Variants in UNC13C observed in about 807,000 individuals in gnomAD.
UNC13C encodes the protein protein unc-13 homolog C.
A neutral mutation model predicts 245.4 loss-of-function variants in UNC13C; 174 were observed. That is an observed-to-expected ratio of 0.71 (90% confidence interval 0.63 to 0.80). The LOEUF (loss-of-function observed/expected upper bound fraction) is 0.80. UNC13C is among the 30% of genes least tolerant of loss of function. The probability of loss-of-function intolerance (pLI) is 0.00; values close to 1 mark genes in which losing one functional copy is unlikely to be tolerated. For synonymous variants in UNC13C, 992 were observed against 895.1 expected, an observed-to-expected ratio of 1.11 and a Z score of -1.93; for missense variants, 2,829 against 2,602.9, an observed-to-expected ratio of 1.09 and a Z score of -1.89.
chr15:54,474,574 T>C (rs915994274), intron 19 of UNC13C, among the ~76,000 whole-genome samples: 1 of 152,066 alleles, frequency 6.6e-6, no homozygotes, highest in Admixed American at 6.6e-5. Flanking sequence ...AGTTCTTGTA[T>C]GTTCTGGATA....
At chr15:54,408,564 A>G (rs1275234589) in intron 18 of UNC13C, among the ~76,000 whole-genome samples, 1 of 152,188 alleles carries the variant, frequency 6.6e-6, no homozygotes, top group African/African-American at 2.4e-5. Context: ...TTGAATTTCA[A>G]AAATGATATG....
At chr15:54,252,875 C>G (rs2036188230) in intron 8 of UNC13C, among the ~76,000 whole-genome samples, 1 of 152,126 alleles carries the variant, frequency 6.6e-6, no homozygotes, top group African/African-American at 2.4e-5. Context: ...CAGTTTAACT[C>G]ATGACTTTAG....
intron 7 of UNC13C, among the ~76,000 whole-genome samples, chr15:54,248,309 G>C (rs762635256): frequency 3.9e-5 from 6 of 152,034 alleles, no homozygotes; most frequent in Non-Finnish European, 7.4e-5. Context: ...GACCACAAAT[G>C]CTACATTACG....
chr15:54,373,404 A>G (rs1223432661), intron 17 of UNC13C, among the ~76,000 whole-genome samples: 1 of 152,140 alleles, frequency 6.6e-6, no homozygotes, highest in Non-Finnish European at 1.5e-5. Context: ...CATTCCTTCA[A>G]GGGTGAACCA....
At chr15:54,230,888 A>G (rs940991394) in intron 4 of UNC13C, among the ~76,000 whole-genome samples, 28 of 152,072 alleles carry the variant, frequency 1.8e-4, no homozygotes, top group Admixed American at 6.5e-5. Context: ...TAATTAAAAT[A>G]TTAATAAAAA....
rs911872380 is a variant in UNC13C at position 54,476,580 on chromosome 15, T to G, written c.4934-18028T>G. Among the ~76,000 whole-genome samples the G allele has an allele frequency of 7.9e-5, 12 of 151,854 alleles. No homozygotes were observed. In the East Asian group the frequency reaches 9.8e-4, roughly 12 times the overall value. On this transcript the variant is annotated intron_variant, in intron 19 of 32. Coordinates refer to ENST00000260323, the MANE Select transcript of UNC13C (RefSeq NM_001080534.3). ...TTAAATAGGGAATGCTTTCCCCATTTCTTGTTTTTCTCAGGTTTGTCAAAG... is the reference window on the plus strand; with the variant it reads ...TTAAATAGGGAATGCTTTCCCCATTGCTTGTTTTTCTCAGGTTTGTCAAAG...
At chr15:54,462,962 TG>T (rs1465009137) in intron 19 of UNC13C, among the ~76,000 whole-genome samples, 1 of 152,002 alleles carries the variant, frequency 6.6e-6, no homozygotes, top group African/African-American at 2.4e-5. Flanking sequence ...GCTAGAGAAT[TG>T]TAAATGCACC....
At chr15:54,556,722 T>C (rs554581282) in intron 29 of UNC13C, among the ~76,000 whole-genome samples, 3 of 138,452 alleles carry the variant, frequency 2.2e-5, no homozygotes, top group Admixed American at 7.6e-5. Flanking sequence ...GTAGCACTAA[T>C]AGCTTTATAA....
Position 54,014,530 on chromosome 15 carries a change from A to G in UNC13C, c.1627A>G (p.Thr543Ala), listed in dbSNP as rs1448973017. ...CTGGCACTCACAGAGTGATTTTTTC[A>G]CTGCTAAACTTAGTCGTTCTGAATC... ...PLWHSQSDFF[T>A]AKLSRSESDF... Residue 543 changes from threonine (T) to alanine (A), a missense_variant, in exon 2 of 33, where the codon ACT (threonine) becomes GCT (alanine). By Grantham distance (58) the Thr-to-Ala change is moderately conservative. Coordinates refer to ENST00000260323, the MANE Select transcript of UNC13C (RefSeq NM_001080534.3). 1.9e-6 allele frequency: 3 copies of G among 1,613,830 alleles called. No homozygotes were observed. The highest frequency in any genetic ancestry group is 1.7e-6 in the Non-Finnish European group (2 of 1,179,826).
At chr15:54,432,563 C>T (rs1308929289) in intron 19 of UNC13C, among the ~76,000 whole-genome samples, 1 of 151,834 alleles carries the variant, frequency 6.6e-6, no homozygotes, top group Admixed American at 6.6e-5. Flanking sequence ...AGAACAAAGA[C>T]ACAACGTACC....
At chr15:54,606,538 A>G (rs1367925961) in intron 30 of UNC13C, among the ~76,000 whole-genome samples, 1 of 152,200 alleles carries the variant, frequency 6.6e-6, no homozygotes, top group African/African-American at 2.4e-5. Context: ...GCATTACACA[A>G]ACCCAGAGTT....
At chr15:54,492,990 C>G (rs1893787849) in intron 19 of UNC13C, among the ~76,000 whole-genome samples, 1 of 152,120 alleles carries the variant, frequency 6.6e-6, no homozygotes, top group South Asian at 2.1e-4. Context: ...TGTGCCAGCA[C>G]CAAGTGTAAG....
chr15:53,980,648 G>A (rs1285918965), intron 1 of UNC13C, among the ~76,000 whole-genome samples: 2 of 152,130 alleles, frequency 1.3e-5, no homozygotes, highest in Non-Finnish European at 2.9e-5. Context: ...TGGATAGTAG[G>A]TAAGGGTTTA....
At chr15:54,125,272 G>T (rs1180899207) in intron 2 of UNC13C, among the ~76,000 whole-genome samples, 1 of 152,116 alleles carries the variant, frequency 6.6e-6, no homozygotes, top group African/African-American at 2.4e-5. Context: ...GACCAGCCTG[G>T]TCAACATAGT....
At chr15:54,580,610 T>A (rs779248762) in intron 30 of UNC13C, among the ~76,000 whole-genome samples, 1 of 152,002 alleles carries the variant, frequency 6.6e-6, no homozygotes, top group Non-Finnish European at 1.5e-5. Context: ...ATTCATACCG[T>A]GTGGAGTTGC....
the UNC13C span, among the ~76,000 whole-genome samples, chr15:53,935,327 G>A: frequency 1.3e-5 from 2 of 152,028 alleles, no homozygotes; most frequent in Non-Finnish European, 2.9e-5. Context: ...TCATTTATTT[G>A]GGAGATTTTA....
At chr15:54,482,542 G>T (rs930675262) in intron 19 of UNC13C, among the ~76,000 whole-genome samples, 4 of 149,150 alleles carry the variant, frequency 2.7e-5, no homozygotes, top group East Asian at 2.0e-4. Flanking sequence ...ACTCTGAGCT[G>T]ATCCTGAGGG....
rs533236673 is a variant in UNC13C, at chr15:54,296,705, G to A, written c.3989-1106G>A. On this transcript the variant is annotated intron_variant, in intron 11 of 32. Transcript: ENST00000260323. ...TTCATGGTTTAACTGTACCTTATAC[G>A]GCTAAAGATACAGCTATGTTTAGAA... 5.9e-5 allele frequency among the ~76,000 whole-genome samples: 9 copies of A among 152,202 alleles called. No individual in the cohort carries two copies. In the East Asian group the frequency reaches 7.8e-4, roughly 13 times the overall value.
intron 2 of UNC13C, among the ~76,000 whole-genome samples, chr15:54,121,320 G>A (rs750889625): frequency 2.0e-5 from 3 of 152,146 alleles, no homozygotes; most frequent in Non-Finnish European, 4.4e-5. Flanking sequence ...GGAAGGCTCA[G>A]ACGATTGTTA....
Sources: allele counts gnomAD v4.1 joint callset (sites outside exome capture counted in the v4.1 genomes callset), GRCh38; gene constraint gnomAD v4.1.1; transcripts MANE v1.5; gene names NCBI Gene and HGNC (gene_info 2026-07-23, HGNC 2026-07-21).